DSC3: variants seen among roughly 807,000 people sequenced by gnomAD.
DSC3 encodes desmocollin-3.
In DSC3, 97 loss-of-function variants were observed where a neutral mutation model predicts 89.5. That is an observed-to-expected ratio of 1.08 (90% CI 0.92 to 1.28). The LOEUF (loss-of-function observed/expected upper bound fraction) is 1.28. Among genes scored for constraint, DSC3 ranks in the 50% most tolerant of loss-of-function variants. The pLI, the probability that DSC3 is intolerant of heterozygous loss-of-function variation, is 0.00. For synonymous variants in DSC3, 436 were observed against 384.1 expected (o/e 1.14, Z -1.58); for missense variants, 1,199 against 1,085.3 (o/e 1.10, Z -1.47).
Position 30,994,050 on chromosome 18 carries a change from G to T in DSC3, c.*125C>A. 1 of 939,338 alleles carries T rather than the reference G, an allele frequency of 1.1e-6. No homozygotes were observed. Among genetic ancestry groups the T allele is most frequent in the Non-Finnish European group, 1.7e-6 (1 of 602,182 alleles). 58.2% of individuals were successfully genotyped at this position (939,338 alleles called of 1,614,324 possible). On this transcript the variant is annotated 3_prime_UTR_variant, in exon 16 of 16. Coordinates refer to ENST00000360428, the MANE Select transcript of DSC3 (RefSeq NM_001941.5). ...ACTTGCTTTAAAAATATAAATTGGT[G>T]AGTAGCATAATTCAAAATTGAGAAA...
intron 14 of DSC3, among the ~76,000 whole-genome samples, chr18:30,998,793 C>T (rs1984558576): frequency 6.6e-6 from 1 of 151,990 alleles, no homozygotes; most frequent in African/African-American, 2.4e-5. Context: ...ACAACAACAA[C>T]AGAAAAATCA....
chr18:31,002,145 T>C (rs1476052248), intron 13 of DSC3, among the ~76,000 whole-genome samples: 2 of 152,218 alleles, frequency 1.3e-5, no homozygotes, highest in East Asian at 1.9e-4. Flanking sequence ...CAGACTGCTT[T>C]CCTAGAAAAG....
intron 1 of DSC3, among the ~76,000 whole-genome samples, chr18:31,032,589 T>TGTGTGTGTGC (rs761698669): frequency 2.7e-5 from 3 of 112,600 alleles, no homozygotes; most frequent in African/African-American, 1.1e-4. Flanking sequence ...TGTGTGTGTG[T>TGTGTGTGTGC]GCGTGTGCGT....
In DSC3 at chr18:30,992,699, C is replaced by T. The variant is rs940001319; in HGVS notation, c.*1476G>A. 2.0e-5 allele frequency: 3 copies of T among 152,226 alleles called. No homozygotes were observed. The highest frequency in any genetic ancestry group is 4.4e-5 in the Non-Finnish European group (3 of 68,042). 9.4% of individuals were successfully genotyped at this position (152,226 alleles called of 1,614,324 possible). A position where few individuals can be genotyped will look rare whatever the true frequency, so the allele number is the denominator to read the frequency against. ...CAAAGTTCCCTCTGTTCTAAAATGA[C>T]AACTTGATCTTTTTCTTTTATACAT... On this transcript the variant is annotated 3_prime_UTR_variant, in exon 16 of 16. Transcript: ENST00000360428.
chr18:31,042,533 G>C (rs1038628399), intron 1 of DSC3, 59 bp downstream of exon 1: 35 of 1,499,232 alleles, frequency 2.3e-5, no homozygotes, highest in Non-Finnish European at 3.2e-5. Context: ...TCCGTGCAGC[G>C]TCCAGGGCGG....
chr18:31,033,976 A>G (rs1315377790), intron 1 of DSC3, among the ~76,000 whole-genome samples: 2 of 152,090 alleles, frequency 1.3e-5, no homozygotes, highest in Non-Finnish European at 2.9e-5. Flanking sequence ...GGTGCCCGCT[A>G]CCACGATCGG....
intron 9 of DSC3, among the ~76,000 whole-genome samples, chr18:31,015,674 G>C (rs1985211469): frequency 6.6e-6 from 1 of 152,178 alleles, no homozygotes; most frequent in Admixed American, 6.5e-5. Flanking sequence ...CCTTGAGAGA[G>C]ACTGGAGAAG....
Position 31,024,480 on chromosome 18 carries a change from G to A in DSC3, c.644C>T (p.Ala215Val), listed in dbSNP as rs745527379. The A allele has an allele frequency of 1.4e-5, 23 of 1,612,450 alleles. No homozygotes were observed. Among genetic ancestry groups the A allele is most frequent in the East Asian group, 2.2e-5 (1 of 44,858 alleles). ...EYDVFDLIAY[A>V]STADGYSADL... ...TGCTGAATATCCATCTGCAGTTGAC[G>A]CATAAGCAATCAACTGCAAAATAGC... The change falls in exon 6 of 16, where the codon GCG becomes GTG. Residue 215 changes from alanine to valine, a missense_variant. Coordinates refer to ENST00000360428, the MANE Select transcript of DSC3 (RefSeq NM_001941.5).
chr18:31,003,818 C>T (rs558676521), intron 13 of DSC3, among the ~76,000 whole-genome samples: 1 of 152,270 alleles, frequency 6.6e-6, no homozygotes, highest in South Asian at 2.1e-4. Context: ...GTGGAGTTTC[C>T]TAAGGCAGAA....
chr18:30,997,375 G>A (rs1023376846), intron 14 of DSC3, among the ~76,000 whole-genome samples: 14 of 152,306 alleles, frequency 9.2e-5, no homozygotes, highest in African/African-American at 3.1e-4. Flanking sequence ...AAAAGAGCAC[G>A]AGTGAGAGGG....
At chr18:31,024,234 C>T in intron 6 of DSC3, 115 bp downstream of exon 6, 1 of 978,808 alleles carries the variant, frequency 1.0e-6, no homozygotes, top group Admixed American at 3.3e-5. Flanking sequence ...TAAGTAGATT[C>T]TAGTTCAGCG....
At chr18:31,030,157 G>A (rs1412398576) in intron 3 of DSC3, among the ~76,000 whole-genome samples, 1 of 152,114 alleles carries the variant, frequency 6.6e-6, no homozygotes, top group Non-Finnish European at 1.5e-5. Context: ...CTATCCTTTG[G>A]TTGCACTAGC....
Position 31,024,439 on chromosome 18 carries a change from G to T in DSC3, c.685C>A (p.Leu229Ile). ...TTTTCATCCTCTACCCTGATGGGTA[G>T]TGGGAGGGGCAGATCTGCTGAATAT... is the stretch of plus-strand genomic sequence containing the variant. ...DGYSADLPLP[L>I]PIRVEDENDN... Residue 229 changes from leucine to isoleucine, a missense_variant, in exon 6 of 16, where the codon CTA (leucine) becomes ATA (isoleucine). Coordinates refer to ENST00000360428, the MANE Select transcript of DSC3 (RefSeq NM_001941.5). 6.2e-7 allele frequency: 1 copy of T among 1,612,620 alleles called. No individual in the cohort carries two copies. The highest frequency in any genetic ancestry group is 8.5e-7 in the Non-Finnish European group (1 of 1,179,216).
chr18:30,994,133 C>A lies in DSC3; in HGVS notation c.*42G>T. The A allele has an allele frequency of 6.3e-7, 1 of 1,586,816 alleles. No homozygotes were observed. Among genetic ancestry groups the A allele is most frequent in the Non-Finnish European group, 8.7e-7 (1 of 1,155,676 alleles). The stretch of plus-strand genomic sequence containing the variant: ...ACTTTACAATATTATTTTTGGAAAC[C>A]TCCAGAATGTCTGACAAAGACCTAA... On this transcript the variant is annotated 3_prime_UTR_variant, in exon 16 of 16. Coordinates refer to ENST00000360428, the MANE Select transcript of DSC3 (RefSeq NM_001941.5).
chr18:31,041,634 G>A (rs958794731), intron 1 of DSC3, among the ~76,000 whole-genome samples: 1 of 152,208 alleles, frequency 6.6e-6, no homozygotes, highest in Admixed American at 6.5e-5. Flanking sequence ...TCCTTTCTGG[G>A]CGTGCGGAAT....
intron 7 of DSC3, among the ~76,000 whole-genome samples, chr18:31,020,171 A>G (rs1377421882): frequency 6.6e-6 from 1 of 152,222 alleles, no homozygotes; most frequent in Non-Finnish European, 1.5e-5. Flanking sequence ...AGAAGAGATC[A>G]TGACTAGAAA....
At chr18:31,038,356 C>T (rs533579449) in intron 1 of DSC3, among the ~76,000 whole-genome samples, 6 of 152,212 alleles carry the variant, frequency 3.9e-5, no homozygotes, top group Admixed American at 3.9e-4. Context: ...AGCTCTCTAA[C>T]TTCTAATTCA....
intron 3 of DSC3, 75 bp from the exon 4 acceptor site, chr18:31,029,703 T>A: frequency 1.3e-6 from 2 of 1,574,494 alleles, no homozygotes; most frequent in South Asian, 2.2e-5. Flanking sequence ...AGTGGACAGC[T>A]CATAAACCTA....
At chr18:31,005,725 A>G (rs1313583) in intron 12 of DSC3, among the ~76,000 whole-genome samples, 20,994 of 152,120 alleles carry the variant, frequency 0.14, 1,890 homozygotes, top group African/African-American at 0.25. Flanking sequence ...AATTGCAAAC[A>G]TTCTAGGAAA....
Sources: gnomAD v4.1 joint callset for allele counts (sites outside exome capture counted in the v4.1 genomes callset) on GRCh38, gnomAD v4.1.1 for gene constraint, MANE v1.5 for transcripts, NCBI Gene and HGNC (gene_info 2026-07-23, HGNC 2026-07-21) for gene names.